Variants in CD164L2 observed in about 807,000 individuals in gnomAD.
CD164L2 encodes CD164 molecule like 2.
In CD164L2, 21 loss-of-function variants were observed where a neutral mutation model predicts 23.9. The ratio of observed to expected loss-of-function variants is 0.88; its 90% CI spans 0.62 to 1.27. CD164L2 has a LOEUF of 1.27. Ranked by LOEUF, CD164L2 falls within the 50% of genes most tolerant of loss-of-function variation. CD164L2 has a pLI of 0.00. For synonymous variants in CD164L2, 92 were observed against 90.2 expected, an observed-to-expected ratio of 1.02 and a Z score of -0.11; for missense variants, 230 against 224.8, an observed-to-expected ratio of 1.02 and a Z score of -0.15.
intron 5 of CD164L2, 120 bp from the exon 6 acceptor site, chr1:27,379,629 C>T (rs997450623): frequency 1.7e-5 from 26 of 1,540,932 alleles, no homozygotes; most frequent in South Asian, 6.0e-5. Flanking sequence ...TGTGGCGACC[C>T]GCCCCACAGC....
At chr1:27,382,204 C>T (rs752968269) in intron 3 of CD164L2, 124 bp downstream of exon 3, 206 of 1,602,850 alleles carry the variant, frequency 1.3e-4, no homozygotes, top group Non-Finnish European at 1.6e-4. Context: ...AAAGGCAGAA[C>T]TGATACCGGG....
intron 4 of CD164L2, 115 bp downstream of exon 4, chr1:27,381,665 C>G: frequency 1.8e-6 from 2 of 1,133,132 alleles, no homozygotes; most frequent in Non-Finnish European, 2.5e-6. Context: ...CGGAGACAGG[C>G]TCCGAGGGAG....
intron 4 of CD164L2, 48 bp from the exon 5 acceptor site, chr1:27,380,243 G>A: frequency 6.4e-7 from 1 of 1,567,074 alleles, no homozygotes; most frequent in South Asian, 1.1e-5. Flanking sequence ...CTGTGAACCA[G>A]GATCCCAGTC....
Position 27,379,262 on chromosome 1 carries a change from G to C in CD164L2, c.*241C>G, listed in dbSNP as rs921360997. 3.4e-6 allele frequency: 2 copies of C among 590,320 alleles called. No homozygotes were observed. The highest frequency in any genetic ancestry group is 6.1e-6 in the Non-Finnish European group (2 of 328,642). 36.6% of individuals were successfully genotyped at this position (590,320 alleles called of 1,614,324 possible). A position where few individuals can be genotyped will look rare whatever the true frequency, so the allele number is the denominator to read the frequency against. The stretch of plus-strand genomic sequence containing the variant: ...CATACAACCCACTGTCAGGCTGGGG[G>C]GCCCAGCAGGGGCGATGGAGGAGAC... On this transcript the variant is annotated 3_prime_UTR_variant, in exon 6 of 6. Coordinates refer to ENST00000374030, the MANE Select transcript of CD164L2 (RefSeq NM_001330448.1).
rs1336516982 is a variant in CD164L2 at position 27,383,251 on chromosome 1, G to C, written c.-12C>G. ...CCCGGAGCCTCCATGGGCTCGCGGGGTGGGGGTGGCCGGGGGCGGTGGCCG... is the reference window on the plus strand; with the variant it reads ...CCCGGAGCCTCCATGGGCTCGCGGGCTGGGGGTGGCCGGGGGCGGTGGCCG... On this transcript the variant is annotated 5_prime_UTR_variant, in exon 1 of 6. Coordinates refer to ENST00000374030, the MANE Select transcript of CD164L2 (RefSeq NM_001330448.1). 6.5e-7 allele frequency: 1 copy of C among 1,532,800 alleles called. No homozygotes were observed. Among genetic ancestry groups the C allele is most frequent in the Non-Finnish European group, 8.8e-7 (1 of 1,139,070 alleles). 94.9% of individuals were successfully genotyped at this position (1,532,800 alleles called of 1,614,324 possible).
At position 27,382,504 on chromosome 1, in the gene CD164L2, C is replaced by A; in HGVS notation, c.252G>T (p.Glu84Asp). The change falls in exon 2 of 6, where the codon GAG (glutamate) becomes GAT (aspartate). Residue 84 changes from glutamate to aspartate, a missense_variant. Transcript: ENST00000374030. Reference protein sequence around the residue: ...SCVWEQCRPEEPGHCVAQSEV... With the variant: ...SCVWEQCRPEDPGHCVAQSEV... ...GGGGAGGGCTCAGCTCCATACCTGG[C>A]TCCTCTGGCCGGCACTGCTCCCACA... The A allele has an allele frequency of 6.2e-7, 1 of 1,601,160 alleles. No homozygotes were observed. Among genetic ancestry groups the A allele is most frequent in the South Asian group, 1.1e-5 (1 of 89,742 alleles).
intron 4 of CD164L2, 92 bp downstream of exon 4, chr1:27,381,688 C>A (rs1252651421): frequency 7.1e-7 from 1 of 1,414,894 alleles, no homozygotes; most frequent in South Asian, 1.3e-5. Context: ...GGCGCAGGGC[C>A]GAGGTCACAG....
At chr1:27,382,090 C>A (rs765328399) in intron 3 of CD164L2, 1 of 1,482,258 alleles carries the variant, frequency 6.7e-7, no homozygotes, top group African/African-American at 1.4e-5. Context: ...CCTTGCTATG[C>A]CTTAAACTAG....
intron 1 of CD164L2, 89 bp downstream of exon 1, chr1:27,383,063 G>A: frequency 8.7e-7 from 1 of 1,149,286 alleles, no homozygotes; most frequent in East Asian, 2.6e-5. Context: ...CTCCCCTCAA[G>A]CCCAGGCTGC....
In CD164L2 at chr1:27,383,295, C is replaced by T; in HGVS notation, c.-56G>A. 1.7e-6 allele frequency: 2 copies of T among 1,164,194 alleles called. No individual in the cohort carries two copies. The highest frequency in any genetic ancestry group is 2.4e-6 in the Non-Finnish European group (2 of 816,910). The allele number at this position is 1,164,194 out of a possible 1,614,324, so 72.1% of individuals were successfully genotyped here. On this transcript the variant is annotated 5_prime_UTR_variant, in exon 1 of 6. Transcript: ENST00000374030. Reference sequence around the variant, plus strand: ...GTGGCCGGGATCGGTGGACAGCTGCCGGGCGCGTCCCTCCCAGACTGGGCT... The same window carrying T: ...GTGGCCGGGATCGGTGGACAGCTGCTGGGCGCGTCCCTCCCAGACTGGGCT...
intron 3 of CD164L2, 123 bp downstream of exon 3, chr1:27,382,205 T>G (rs1338865683): frequency 3.1e-6 from 5 of 1,604,076 alleles, no homozygotes; most frequent in East Asian, 2.2e-5. Flanking sequence ...AAGGCAGAAC[T>G]GATACCGGGC....
In CD164L2 at chr1:27,381,734, C is replaced by G. The variant is rs1413077769; in HGVS notation, c.373+46G>C. ...TGCCTGAGCCCAGAGCTGTCTTCCC[C>G]TGCACCTCTGCTCCTCCCACTGCCC... On this transcript the variant is annotated intron_variant, in intron 4 of 5. Coordinates refer to ENST00000374030, the MANE Select transcript of CD164L2 (RefSeq NM_001330448.1). 3 of 1,604,122 alleles carry G rather than the reference C, an allele frequency of 1.9e-6. No homozygotes were observed. In the African/African-American group the frequency reaches 4.0e-5, roughly 21 times the overall value.
chr1:27,381,172 G>A (rs2016328832), intron 4 of CD164L2, among the ~76,000 whole-genome samples: 1 of 152,254 alleles, frequency 6.6e-6, no homozygotes, highest in Admixed American at 6.5e-5. Context: ...GGGATGAGGA[G>A]CAGAAGAGGG....
At chr1:27,382,465 G>T (rs775454054) in intron 2 of CD164L2, 35 bp downstream of exon 2, 4 of 1,585,822 alleles carry the variant, frequency 2.5e-6, no homozygotes, top group Non-Finnish European at 2.6e-6. Context: ...TTCAGAGCTG[G>T]GGGCACTCAA....
In CD164L2 at chr1:27,382,370, T is replaced by C; in HGVS notation, c.286A>G (p.Lys96Glu). 1.5e-5 allele frequency: 24 copies of C among 1,612,754 alleles called. No individual in the cohort carries two copies. The highest frequency in any genetic ancestry group is 2.0e-5 in the Non-Finnish European group (23 of 1,179,238). The change falls in exon 3 of 6, where the codon AAG becomes GAG. Residue 96 changes from lysine to glutamate, a missense_variant. By Grantham distance (56) the Lys-to-Glu change is moderately conservative. Transcript: ENST00000374030. The stretch of plus-strand genomic sequence containing the variant: ...CGGTTGTAGATGGAGCAACCTTCCT[T>C]GACCACCTCAGATTGGGCCACACAG... ...GHCVAQSEVV[K>E]EGCSIYNRSE...
At chr1:27,379,599 G>A (rs935636894) in intron 5 of CD164L2, 90 bp from the exon 6 acceptor site, 97 of 1,550,192 alleles carry the variant, frequency 6.3e-5, no homozygotes, top group Admixed American at 1.8e-4. Context: ...CAGAGGAAGA[G>A]CAAACACTTT....
At position 27,382,523 on chromosome 1, in the gene CD164L2, T is replaced by G. The variant is rs775570390; in HGVS notation, c.233A>C (p.Glu78Ala). 3.7e-6 allele frequency: 6 copies of G among 1,610,666 alleles called. No individual in the cohort carries two copies. The highest frequency in any genetic ancestry group is 2.7e-5 in the African/African-American group (2 of 74,822). ...ACCTGGCTCCTCTGGCCGGCACTGC[T>G]CCCACACGCAGCTGGAGAGATTGCG... ...GARNLSSCVW[E>A]QCRPEEPGHC... The change falls in exon 2 of 6, where the codon GAG (glutamate) becomes GCG (alanine). Residue 78 changes from glutamate (E) to alanine (A), a missense_variant. Glu to Ala is a moderately radical substitution (Grantham distance 107). Transcript: ENST00000374030.
chr1:27,382,942 T>C (rs1165876868), intron 1 of CD164L2, among the ~76,000 whole-genome samples: 3 of 151,932 alleles, frequency 2.0e-5, no homozygotes, highest in African/African-American at 7.3e-5. Flanking sequence ...CCAGACCACC[T>C]GAAGCTCCCT....
chr1:27,382,325 T>G lies in CD164L2; in HGVS notation c.328+3A>C, dbSNP rs372520592. The stretch of plus-strand genomic sequence containing the variant: ...CTTGGCTTAGGTGCAAGAACCCCCT[T>G]ACCTGGACATGCCTCTGAGCGGTTG... On this transcript the variant is annotated splice_donor_region_variant and intron_variant, in intron 3 of 5. Transcript: ENST00000374030. 6.2e-7 allele frequency: 1 copy of G among 1,614,100 alleles called. No homozygotes were observed. Among genetic ancestry groups the G allele is most frequent in the South Asian group, 1.1e-5 (1 of 91,082 alleles).
Sources: gnomAD v4.1 joint callset for allele counts (sites outside exome capture counted in the v4.1 genomes callset) on GRCh38, gnomAD v4.1.1 for gene constraint, MANE v1.5 for transcripts, NCBI Gene and HGNC (gene_info 2026-07-23, HGNC 2026-07-21) for gene names.